The following ATP9A variants were observed in gnomAD, a reference collection of about 807,000 sequenced individuals.
ATP9A encodes the protein probable phospholipid-transporting ATPase IIA.
A neutral mutation model predicts 144.1 loss-of-function variants in ATP9A; 52 were observed. The observed-to-expected ratio is 0.36, with a 90% CI of 0.29 to 0.45. The LOEUF (loss-of-function observed/expected upper bound fraction) is 0.45, where lower values mean the gene tolerates loss of function less well. ATP9A is among the 20% of genes least tolerant of loss of function. The probability of loss-of-function intolerance (pLI) is 1.00; values close to 1 mark genes in which losing one functional copy is unlikely to be tolerated. For missense variants in ATP9A, 947 were observed against 1,392.7 expected (o/e 0.68, Z 5.09); for synonymous variants, 582 against 557.4 (o/e 1.04, Z -0.62).
rs954577249 is a variant in ATP9A at position 51,596,608 on chromosome 20, ATTTGGGGTT to A, written c.*4594_*4602del. 2 of 152,158 alleles carry A rather than the reference ATTTGGGGTT, an allele frequency of 1.3e-5. No homozygotes were observed. Among genetic ancestry groups the A allele is most frequent in the African/African-American group, 4.8e-5 (2 of 41,420 alleles). 9.4% of individuals were successfully genotyped at this position (152,158 alleles called of 1,614,324 possible). Reference sequence around the variant, plus strand: ...ACAAAATAATAAATAACATGCATTGATTTGGGGTTTTTTTTGCCAAAATCAAAATAATTT... The same window carrying A: ...ACAAAATAATAAATAACATGCATTGATTTTTTGCCAAAATCAAAATAATTT... On this transcript the variant is annotated 3_prime_UTR_variant, in exon 28 of 28. Transcript: ENST00000338821.
intron 1 of ATP9A, among the ~76,000 whole-genome samples, chr20:51,752,857 G>T (rs1601145551): frequency 6.6e-6 from 1 of 152,272 alleles, no homozygotes; most frequent in African/African-American, 2.4e-5. Flanking sequence ...AATCCCAGCA[G>T]TTTGGGAGGC....
rs190413285 is a variant in ATP9A at position 51,751,005 on chromosome 20, G to A, written c.68+17297C>T. Among the ~76,000 whole-genome samples, 71 of 152,302 alleles carry A rather than the reference G, an allele frequency of 4.7e-4. 2 individuals carry two copies. In the East Asian group the frequency reaches 0.011, roughly 23 times the overall value. On this transcript the variant is annotated intron_variant, in intron 1 of 27. Transcript: ENST00000338821. ...AGAGCTCTACGTCCAACAAGAGGCAGGAGGCTGGACGTGGCTCCTTCCTTG... is the reference window on the plus strand; with the variant it reads ...AGAGCTCTACGTCCAACAAGAGGCAAGAGGCTGGACGTGGCTCCTTCCTTG...
In ATP9A at chr20:51,670,045, G is replaced by C. The variant is rs547271854; in HGVS notation, c.1245C>G (p.Leu415=). 1 of 1,614,046 alleles carries C rather than the reference G, an allele frequency of 6.2e-7. No homozygotes were observed. Among genetic ancestry groups the C allele is most frequent in the East Asian group, 2.2e-5 (1 of 44,894 alleles). ...RLHLGTVAYG[L]DSMDEVQSHI... ...GGCTTTGTACTTCGTCCATTGAGTCGAGGCCGTAGGCTACTGTTCCGAGAT... is the reference window on the plus strand; with the variant it reads ...GGCTTTGTACTTCGTCCATTGAGTCCAGGCCGTAGGCTACTGTTCCGAGAT... The change falls in exon 13 of 28, where the codon CTC becomes CTG. Residue 415 remains leucine, a synonymous_variant. Transcript: ENST00000338821.
intron 13 of ATP9A, among the ~76,000 whole-genome samples, chr20:51,664,842 C>T (rs1308432113): frequency 6.6e-6 from 1 of 151,818 alleles, no homozygotes; most frequent in Non-Finnish European, 1.5e-5. Context: ...GCCTCAGCCT[C>T]CTGAGTAGCT....
In ATP9A at chr20:51,700,391, G is replaced by A. The variant is rs372900695; in HGVS notation, c.437-2909C>T. ...CAAAAAATCAGCCAGGTGTGGTGAT[G>A]TGCACCTACAGTCCCAGCTACTCCG... On this transcript the variant is annotated intron_variant, in intron 4 of 27. Coordinates refer to ENST00000338821, the MANE Select transcript of ATP9A (RefSeq NM_006045.3). Among the ~76,000 whole-genome samples, 20 of 152,246 alleles carry A rather than the reference G, an allele frequency of 1.3e-4. 3 individuals carry two copies. Among genetic ancestry groups the A allele is most frequent in the Admixed American group, 2.0e-4 (3 of 15,296 alleles).
chr20:51,635,804 G>A (rs2122740868), intron 15 of ATP9A, among the ~76,000 whole-genome samples: 1 of 92,696 alleles, frequency 1.1e-5, no homozygotes, highest in Non-Finnish European at 2.4e-5. Flanking sequence ...GAGGGGAGGA[G>A]GAAGGAAGGA....
chr20:51,724,020 A>C (rs1303463845), intron 3 of ATP9A, among the ~76,000 whole-genome samples: 2 of 151,894 alleles, frequency 1.3e-5, no homozygotes, highest in East Asian at 2.0e-4. Context: ...AAATACAAAA[A>C]ATTAGCTGGG....
At chr20:51,685,855 C>T (rs2122809813) in intron 9 of ATP9A, among the ~76,000 whole-genome samples, 1 of 152,294 alleles carries the variant, frequency 6.6e-6, no homozygotes, top group Middle Eastern at 3.4e-3. Flanking sequence ...ACCCAGCCAT[C>T]CCATTACTGG....
chr20:51,676,224 G>C lies in ATP9A; in HGVS notation c.800-16C>G, dbSNP rs375890632. ...ACAACAGTACCTAAAATGGAAAAAA[G>C]AAAAAAAAAAAAAGAAAAGAAATAT... On this transcript the variant is annotated splice_polypyrimidine_tract_variant and intron_variant, in intron 9 of 27. Transcript: ENST00000338821. 10 of 1,223,418 alleles carry C rather than the reference G, an allele frequency of 8.2e-6. No individual in the cohort carries two copies. The highest frequency in any genetic ancestry group is 5.6e-6 in the Non-Finnish European group (5 of 893,820). 75.8% of individuals were successfully genotyped at this position (1,223,418 alleles called of 1,614,324 possible).
chr20:51,701,035 C>T (rs1481333548), intron 4 of ATP9A, among the ~76,000 whole-genome samples: 1 of 152,148 alleles, frequency 6.6e-6, no homozygotes, highest in African/African-American at 2.4e-5. Flanking sequence ...TGGCCCTCAG[C>T]GCCAATGAAC....
At chr20:51,718,925 C>T (rs987826286) in intron 3 of ATP9A, among the ~76,000 whole-genome samples, 3 of 150,720 alleles carry the variant, frequency 2.0e-5, no homozygotes, top group Admixed American at 6.6e-5. Context: ...GTCAGGAGTT[C>T]GAGACCAGCC....
At chr20:51,721,251 G>T (rs1279179725) in intron 3 of ATP9A, among the ~76,000 whole-genome samples, 1 of 152,134 alleles carries the variant, frequency 6.6e-6, no homozygotes, top group Non-Finnish European at 1.5e-5. Flanking sequence ...ACTGCCAACA[G>T]CAAAAAGGTT....
At chr20:51,706,523 A>G (rs1473264168) in intron 4 of ATP9A, among the ~76,000 whole-genome samples, 1 of 152,230 alleles carries the variant, frequency 6.6e-6, no homozygotes, top group African/African-American at 2.4e-5. Context: ...CACTTTGGGA[A>G]GCCAAGGCAG....
intron 18 of ATP9A, among the ~76,000 whole-genome samples, 186 bp downstream of exon 18, chr20:51,625,004 CAA>C (rs71192538): frequency 0.1 from 10,072 of 100,770 alleles, 740 homozygotes; most frequent in African/African-American, 0.27. Flanking sequence ...GACCCCGTCT[CAA>C]AAAAAAAAAA....
intron 15 of ATP9A, among the ~76,000 whole-genome samples, chr20:51,638,070 T>TC (rs60423765): frequency 3.1e-5 from 1 of 32,396 alleles, no homozygotes; most frequent in Non-Finnish European, 6.4e-5. Context: ...ATTTCATCAT[T>TC]TTATATATAT....
intron 13 of ATP9A, among the ~76,000 whole-genome samples, chr20:51,664,886 AT>A (rs559731508): frequency 0.043 from 5,793 of 135,848 alleles, 103 homozygotes; most frequent in Non-Finnish European, 0.058. Flanking sequence ...CCCCCGGCTA[AT>A]TTTTTTTTTT....
chr20:51,683,159 C>G (rs946296053), intron 9 of ATP9A, among the ~76,000 whole-genome samples: 6 of 152,156 alleles, frequency 3.9e-5, no homozygotes, highest in African/African-American at 1.4e-4. Context: ...GTGATCACAG[C>G]TGACTGCAGC....
chr20:51,715,170 G>A (rs565229378), intron 3 of ATP9A, among the ~76,000 whole-genome samples: 37 of 152,246 alleles, frequency 2.4e-4, no homozygotes, highest in African/African-American at 8.9e-4. Flanking sequence ...TATTAACTTC[G>A]ATTCAAAGGA....
At chr20:51,661,191 G>A (rs1174119121) in intron 13 of ATP9A, among the ~76,000 whole-genome samples, 2 of 152,006 alleles carry the variant, frequency 1.3e-5, no homozygotes, top group African/African-American at 4.8e-5. Context: ...CCACAGCTAG[G>A]GCCATTTCCT....
Sources: gnomAD v4.1 joint callset for allele counts (sites outside exome capture counted in the v4.1 genomes callset) on GRCh38, gnomAD v4.1.1 for gene constraint, MANE v1.5 for transcripts, NCBI Gene and HGNC (gene_info 2026-07-23, HGNC 2026-07-21) for gene names.